The following RIT2 variants were observed in gnomAD, a reference collection of about 807,000 sequenced individuals.
The protein encoded by RIT2 is GTP-binding protein Rit2.
RIT2 carries 24 observed loss-of-function variants against 23.7 expected under a neutral mutation model. The observed-to-expected ratio is 1.01, with a 90% CI of 0.73 to 1.43. The LOEUF (loss-of-function observed/expected upper bound fraction) is 1.43. Ranked by LOEUF, RIT2 falls within the 40% of genes most tolerant of loss-of-function variation. The pLI is 0.00. For missense variants in RIT2, 236 were observed against 266.9 expected (o/e 0.88, Z 0.81); for synonymous variants, 107 against 91.1 (o/e 1.17, Z -0.99).
chr18:42,923,391 TG>T, intron 4 of RIT2, 180 bp downstream of exon 4: 1 of 634,664 alleles, frequency 1.6e-6, no homozygotes, highest in Non-Finnish European at 2.8e-6. Flanking sequence ...ATAGCATATG[TG>T]GTAAAATATA....
chr18:42,893,402 C>T (rs1908235917), intron 4 of RIT2, among the ~76,000 whole-genome samples: 4 of 152,104 alleles, frequency 2.6e-5, no homozygotes, highest in African/African-American at 7.2e-5. Flanking sequence ...TTCTCTGCTT[C>T]CCAGATGCCA....
chr18:42,950,319 G>C (rs937227476), intron 3 of RIT2, among the ~76,000 whole-genome samples: 1 of 152,052 alleles, frequency 6.6e-6, no homozygotes, highest in Non-Finnish European at 1.5e-5. Context: ...TCAATAAATG[G>C]TGCTGAGAGA....
chr18:42,906,269 A>T (rs1045365909), intron 4 of RIT2, among the ~76,000 whole-genome samples: 18 of 152,034 alleles, frequency 1.2e-4, no homozygotes, highest in Non-Finnish European at 2.2e-4. Flanking sequence ...CAACAAAATA[A>T]TACAAATTTT....
At chr18:42,986,454 G>C (rs1322572554) in intron 2 of RIT2, among the ~76,000 whole-genome samples, 1 of 151,930 alleles carries the variant, frequency 6.6e-6, no homozygotes, top group Non-Finnish European at 1.5e-5. Context: ...TTAGTTGGTT[G>C]GTTTGTTAAT....
At chr18:42,857,106 C>T (rs549519212) in intron 4 of RIT2, among the ~76,000 whole-genome samples, 3 of 146,194 alleles carry the variant, frequency 2.1e-5, no homozygotes, top group African/African-American at 8.0e-5. Flanking sequence ...TGGCGTGAGC[C>T]AGCAGGCCCG....
chr18:42,844,549 C>T (rs1906855634), intron 4 of RIT2, among the ~76,000 whole-genome samples: 1 of 152,102 alleles, frequency 6.6e-6, no homozygotes, highest in African/African-American at 2.4e-5. Flanking sequence ...CCAGCAGGCT[C>T]TTCCCTGAAG....
chr18:42,796,943 TA>T (rs1383426164), intron 4 of RIT2, among the ~76,000 whole-genome samples: 2 of 152,148 alleles, frequency 1.3e-5, no homozygotes, highest in Non-Finnish European at 2.9e-5. Context: ...GTAAAAGAAA[TA>T]AAAAGAAGTT....
At chr18:42,958,968 C>G (rs1438933752) in intron 3 of RIT2, among the ~76,000 whole-genome samples, 1 of 152,172 alleles carries the variant, frequency 6.6e-6, no homozygotes, top group Non-Finnish European at 1.5e-5. Flanking sequence ...CCTCCCTTAT[C>G]TGCCTCCTGA....
chr18:42,963,069 A>G (rs1910129215), intron 3 of RIT2, among the ~76,000 whole-genome samples: 1 of 152,192 alleles, frequency 6.6e-6, no homozygotes, highest in Non-Finnish European at 1.5e-5. Flanking sequence ...TTCCTTGAAT[A>G]GGAGCATTTA....
chr18:42,958,978 A>T (rs1322881519), intron 3 of RIT2, among the ~76,000 whole-genome samples: 3 of 152,172 alleles, frequency 2.0e-5, no homozygotes, highest in Non-Finnish European at 4.4e-5. Context: ...CTGCCTCCTG[A>T]ACTCAAGATC....
intron 2 of RIT2, among the ~76,000 whole-genome samples, chr18:43,002,461 A>G (rs935201629): frequency 5.3e-5 from 8 of 151,884 alleles, no homozygotes; most frequent in African/African-American, 1.9e-4. Flanking sequence ...TTGACACTCA[A>G]TATTAACCAT....
chr18:43,028,762 A>G (rs1911788966), intron 2 of RIT2, among the ~76,000 whole-genome samples: 1 of 152,008 alleles, frequency 6.6e-6, no homozygotes, highest in South Asian at 2.1e-4. Context: ...TAATCTATGC[A>G]AATATATAAA....
chr18:42,903,414 A>G (rs1284885723), intron 4 of RIT2, among the ~76,000 whole-genome samples: 1 of 152,126 alleles, frequency 6.6e-6, no homozygotes, highest in Non-Finnish European at 1.5e-5. Flanking sequence ...AGCTGATTTC[A>G]TAGAGACTGT....
At chr18:43,079,102 A>G (rs140153479) in intron 1 of RIT2, among the ~76,000 whole-genome samples, 1 of 152,362 alleles carries the variant, frequency 6.6e-6, no homozygotes, top group African/African-American at 2.4e-5. Context: ...TGCTCTATAA[A>G]TATTGTTCAA....
Position 42,920,727 on chromosome 18 carries a change from A to C in RIT2, c.426+2845T>G, listed in dbSNP as rs535427505. The C allele has an allele frequency of 4.9e-5, 79 of 1,596,336 alleles. No homozygotes were observed. The South Asian group carries it at 8.5e-4, about 17-fold the overall frequency. ...ATGAAAAGAAGCAGCTTCAACCATC[A>C]GAATTCTTCCCTTCCAAACTCTTTC... On this transcript the variant is annotated intron_variant, in intron 4 of 4. Coordinates refer to ENST00000326695, the MANE Select transcript of RIT2 (RefSeq NM_002930.4).
intron 1 of RIT2, among the ~76,000 whole-genome samples, chr18:43,090,949 T>A (rs917437398): frequency 1.3e-5 from 2 of 151,964 alleles, no homozygotes; most frequent in East Asian, 3.9e-4. Context: ...GGGGATGAAA[T>A]AATCTGTACA....
chr18:42,967,498 T>C (rs1172992551), intron 3 of RIT2, among the ~76,000 whole-genome samples: 1 of 150,430 alleles, frequency 6.6e-6, no homozygotes, highest in Non-Finnish European at 1.5e-5. Flanking sequence ...GCCTCCTGAG[T>C]AGCTGGTATT....
At chr18:42,985,591 T>G (rs1169716357) in intron 2 of RIT2, among the ~76,000 whole-genome samples, 1 of 152,164 alleles carries the variant, frequency 6.6e-6, no homozygotes, top group Non-Finnish European at 1.5e-5. Flanking sequence ...TTATGAATCA[T>G]TTTTTAATAT....
intron 4 of RIT2, among the ~76,000 whole-genome samples, chr18:42,820,910 A>C (rs2143991906): frequency 6.6e-6 from 1 of 152,242 alleles, no homozygotes; most frequent in South Asian, 2.1e-4. Context: ...TGTTTGGATA[A>C]CTGGGGTGGA....
Sources: allele counts gnomAD v4.1 joint callset (sites outside exome capture counted in the v4.1 genomes callset), GRCh38; gene constraint gnomAD v4.1.1; transcripts MANE v1.5; gene names NCBI Gene and HGNC (gene_info 2026-07-23, HGNC 2026-07-21).